The following APBA1 variants were observed in gnomAD, a reference collection of about 807,000 sequenced individuals.
APBA1 encodes amyloid beta precursor protein binding family A member 1.
APBA1 carries 55 observed loss-of-function variants against 86.6 expected under a neutral mutation model. That is an observed-to-expected ratio of 0.64 (90% CI 0.51 to 0.80). APBA1 has a LOEUF of 0.80. APBA1 is among the 30% of genes least tolerant of loss of function. The pLI, the probability that APBA1 is intolerant of heterozygous loss-of-function variation, is 0.00. For missense variants in APBA1, 1,090 were observed against 1,183.0 expected, an observed-to-expected ratio of 0.92 and a Z score of 1.15; for synonymous variants, 511 against 493.9, an observed-to-expected ratio of 1.03 and a Z score of -0.46.
At chr9:69,568,818 A>C (rs1837070845) in intron 1 of APBA1, among the ~76,000 whole-genome samples, 1 of 152,212 alleles carries the variant, frequency 6.6e-6, no homozygotes, top group South Asian at 2.1e-4. Flanking sequence ...GAATTATTGC[A>C]AAGAATAAGA....
chr9:69,612,505 G>C (rs933555080), intron 1 of APBA1, among the ~76,000 whole-genome samples: 5 of 151,894 alleles, frequency 3.3e-5, no homozygotes, highest in Admixed American at 3.3e-4. Context: ...TTTATACAAA[G>C]ACTAAATATA....
upstream of APBA1, among the ~76,000 whole-genome samples, chr9:69,672,507 C>A (rs977789119): frequency 6.8e-6 from 1 of 147,412 alleles, no homozygotes; most frequent in African/African-American, 2.4e-5. Context: ...CTGCTAGTAG[C>A]GCCCCTGCCT....
intron 1 of APBA1, among the ~76,000 whole-genome samples, chr9:69,589,631 G>C (rs1822089246): frequency 6.6e-6 from 1 of 152,044 alleles, no homozygotes; most frequent in Non-Finnish European, 1.5e-5. Flanking sequence ...AGGTTATTGG[G>C]GTAGTCTTTA....
chr9:69,516,301 G>T lies in APBA1; in HGVS notation c.910C>A (p.Pro304Thr). The T allele has an allele frequency of 6.4e-7, 1 of 1,566,414 alleles. No homozygotes were observed. ...TCGGGGCGACCCCCGGCCGGGGTAG[G>T]GGGACGCTCCAGGTCCTGCTCGGCC... ...PEAEQDLERP[P>T]TPAGGRPDSP... Residue 304 changes from proline (P) to threonine (T), a missense_variant, in exon 2 of 13, where the codon CCT becomes ACT. By Grantham distance (38) the Pro-to-Thr change is conservative (BLOSUM62 -1). Around this residue, in one of 6 missense-constraint regions of APBA1, gnomAD observed 678 missense variants for 647.1 expected, o/e 1.05. Transcript: ENST00000265381. The surrounding 1 kb of genome is among the most constrained non-coding windows in gnomAD (Gnocchi z 7.3).
chr9:69,615,233 G>A (rs1822676948), intron 1 of APBA1, among the ~76,000 whole-genome samples: 1 of 152,134 alleles, frequency 6.6e-6, no homozygotes, highest in Non-Finnish European at 1.5e-5. Flanking sequence ...TTTCTCTTAA[G>A]CCTTCTATAG....
chr9:69,551,423 C>T (rs1315444199), intron 1 of APBA1, among the ~76,000 whole-genome samples: 2 of 151,974 alleles, frequency 1.3e-5, no homozygotes, highest in Non-Finnish European at 2.9e-5. Flanking sequence ...CGTGGTGGCA[C>T]ACGCCTGTAA....
chr9:69,512,082 A>AAATG (rs1232235414), intron 2 of APBA1, among the ~76,000 whole-genome samples: 1 of 151,616 alleles, frequency 6.6e-6, no homozygotes, highest in African/African-American at 2.4e-5. Context: ...ATAAATAAAT[A>AAATG]AATAAATAAA....
intron 11 of APBA1, 29 bp from the exon 12 acceptor site, chr9:69,432,705 C>A: frequency 1.3e-6 from 2 of 1,514,588 alleles, no homozygotes; most frequent in Non-Finnish European, 1.8e-6. Context: ...GAGTTACCCT[C>A]ATTGCAGACA....
intron 2 of APBA1, among the ~76,000 whole-genome samples, chr9:69,483,176 T>C (rs1409018237): frequency 1.4e-5 from 2 of 141,854 alleles, no homozygotes; most frequent in Non-Finnish European, 3.1e-5. Flanking sequence ...AAAAAAAGAA[T>C]TCCACAGCAA....
chr9:69,456,073 G>A (rs868440916), intron 8 of APBA1, among the ~76,000 whole-genome samples, 174 bp downstream of exon 8: 6 of 152,294 alleles, frequency 3.9e-5, no homozygotes, highest in Middle Eastern at 3.4e-3. Flanking sequence ...CAGCCCTTGC[G>A]ATGAGTACCC....
intron 8 of APBA1, 58 bp downstream of exon 8, chr9:69,456,189 G>T (rs1403334744): frequency 6.4e-7 from 1 of 1,566,666 alleles, no homozygotes; most frequent in Non-Finnish European, 8.8e-7. Flanking sequence ...GACTGAATCA[G>T]GTTCTGAGAA....
intron 1 of APBA1, among the ~76,000 whole-genome samples, chr9:69,618,567 C>G (rs1427684617): frequency 6.6e-6 from 1 of 152,128 alleles, no homozygotes; most frequent in African/African-American, 2.4e-5. Context: ...AAGATGGCGG[C>G]CAGTCATACT....
At chr9:69,523,994 A>T (rs933406887) in intron 1 of APBA1, among the ~76,000 whole-genome samples, 1 of 152,200 alleles carries the variant, frequency 6.6e-6, no homozygotes, top group African/African-American at 2.4e-5. Context: ...TTTTGGGTAA[A>T]TGATGATATT....
At chr9:69,456,672 T>C (rs1835103103) in intron 7 of APBA1, among the ~76,000 whole-genome samples, 1 of 151,910 alleles carries the variant, frequency 6.6e-6, no homozygotes, top group Admixed American at 6.6e-5. Flanking sequence ...TTCCAAACAG[T>C]TGAATCTCTT....
At chr9:69,499,805 A>G (rs1038648816) in intron 2 of APBA1, among the ~76,000 whole-genome samples, 11 of 152,004 alleles carry the variant, frequency 7.2e-5, no homozygotes, top group Admixed American at 2.0e-4. Context: ...TTAAAAAAAA[A>G]AAGTGGATGT....
intron 1 of APBA1, among the ~76,000 whole-genome samples, chr9:69,626,256 G>A (rs1305709053): frequency 6.6e-6 from 1 of 152,136 alleles, no homozygotes; most frequent in East Asian, 1.9e-4. Context: ...AAACAGCAGT[G>A]CCTCAGATTT....
chr9:69,670,443 A>G (rs1823924683), intron 1 of APBA1, among the ~76,000 whole-genome samples: 1 of 152,222 alleles, frequency 6.6e-6, no homozygotes, highest in Non-Finnish European at 1.5e-5. Flanking sequence ...CCGACAATGC[A>G]GTAGAATTTA....
chr9:69,568,325 T>G (rs1169650520), intron 1 of APBA1, among the ~76,000 whole-genome samples: 1 of 152,244 alleles, frequency 6.6e-6, no homozygotes, highest in East Asian at 1.9e-4. Flanking sequence ...TTAGGATGCA[T>G]CATTCTCTCC....
chr9:69,643,616 G>A (rs1823334448), intron 1 of APBA1, among the ~76,000 whole-genome samples: 1 of 152,108 alleles, frequency 6.6e-6, no homozygotes, highest in South Asian at 2.1e-4. Context: ...CACGGCCCAT[G>A]CAGCCCAGCC....
Sources: allele counts gnomAD v4.1 joint callset (sites outside exome capture counted in the v4.1 genomes callset), GRCh38; gene constraint gnomAD v4.1.1; regional missense constraint gnomAD v4.1.1; non-coding constraint Gnocchi (gnomAD v3.1); transcripts MANE v1.5; gene names NCBI Gene and HGNC (gene_info 2026-07-23, HGNC 2026-07-21).